The following OSTN variants were observed in gnomAD, a reference collection of about 807,000 sequenced individuals.
OSTN encodes osteocrin.
In OSTN, 9 loss-of-function variants were observed where a neutral mutation model predicts 12.0. The ratio of observed to expected loss-of-function variants is 0.75; its 90% CI spans 0.45 to 1.30. The LOEUF is 1.30. Among genes scored for constraint, OSTN ranks in the 50% most tolerant of loss-of-function variants. The pLI is 0.00. For missense variants in OSTN, 148 were observed against 152.3 expected, an observed-to-expected ratio of 0.97 and a Z score of 0.15; for synonymous variants, 59 against 56.9, an observed-to-expected ratio of 1.04 and a Z score of -0.16.
intron 3 of OSTN, among the ~76,000 whole-genome samples, chr3:191,246,604 C>CAAAAAAA (rs34157872): frequency 8.4e-5 from 9 of 106,758 alleles, no homozygotes; most frequent in Non-Finnish European, 1.5e-4. Flanking sequence ...GACCCTGTAT[C>CAAAAAAA]AAAAAAAAAA....
At chr3:191,229,337 T>C (rs910672990) in intron 3 of OSTN, among the ~76,000 whole-genome samples, 8 of 152,186 alleles carry the variant, frequency 5.3e-5, no homozygotes, top group African/African-American at 1.9e-4. Context: ...GAGTAACTAT[T>C]TGATGATGTT....
At chr3:191,230,635 G>A (rs1302355578) in intron 3 of OSTN, among the ~76,000 whole-genome samples, 6 of 150,956 alleles carry the variant, frequency 4.0e-5, no homozygotes. Flanking sequence ...ACTATCAGGT[G>A]ATAAGAATAA....
chr3:191,224,919 A>T (rs1714872070), intron 3 of OSTN, among the ~76,000 whole-genome samples: 1 of 152,116 alleles, frequency 6.6e-6, no homozygotes, highest in Non-Finnish European at 1.5e-5. Flanking sequence ...CAGCAAAAAA[A>T]TGTAGAAAGA....
intron 4 of OSTN, among the ~76,000 whole-genome samples, chr3:191,254,448 G>A (rs1715628302): frequency 1.3e-5 from 2 of 152,080 alleles, no homozygotes. Context: ...CAGTCTGCCG[G>A]GCTTTATGAA....
chr3:191,219,751 C>T (rs1714715797), intron 3 of OSTN, among the ~76,000 whole-genome samples: 1 of 152,196 alleles, frequency 6.6e-6, no homozygotes, highest in Non-Finnish European at 1.5e-5. Context: ...GACCAAGATT[C>T]CTTTAGCTCA....
chr3:191,242,684 G>A (rs937805917), intron 3 of OSTN, among the ~76,000 whole-genome samples: 11 of 152,112 alleles, frequency 7.2e-5, no homozygotes, highest in Admixed American at 5.9e-4. Context: ...ATGAGCCACT[G>A]TGCCTTGCAA....
At chr3:191,219,933 AC>A (rs765667236) in intron 3 of OSTN, among the ~76,000 whole-genome samples, 18 of 151,958 alleles carry the variant, frequency 1.2e-4, no homozygotes, top group Non-Finnish European at 4.4e-5. Flanking sequence ...CACCATCATC[AC>A]CCCTTTATCA....
At chr3:191,214,454 A>AC (rs1714552465) in intron 2 of OSTN, among the ~76,000 whole-genome samples, 1 of 150,838 alleles carries the variant, frequency 6.6e-6, no homozygotes, top group Admixed American at 6.6e-5. Context: ...AAAAAAAAAA[A>AC]AAAAAAAACA....
At chr3:191,199,801 T>C (rs948911918) in intron 1 of OSTN, among the ~76,000 whole-genome samples, 3 of 152,174 alleles carry the variant, frequency 2.0e-5, no homozygotes, top group African/African-American at 7.2e-5. Context: ...TTTCTCCTTA[T>C]ATGTCAAATA....
chr3:191,236,034 T>A (rs1054818485), intron 3 of OSTN, among the ~76,000 whole-genome samples: 1 of 152,222 alleles, frequency 6.6e-6, no homozygotes, highest in East Asian at 1.9e-4. Flanking sequence ...TGTTTTTCAA[T>A]AACTTGCTCC....
intron 3 of OSTN, among the ~76,000 whole-genome samples, chr3:191,247,979 A>G (rs1360544094): frequency 6.6e-6 from 1 of 152,016 alleles, no homozygotes; most frequent in Non-Finnish European, 1.5e-5. Context: ...GATTACAGGA[A>G]CACGCCACCA....
chr3:191,251,607 G>C (rs369629821), intron 4 of OSTN, among the ~76,000 whole-genome samples: 1 of 151,804 alleles, frequency 6.6e-6, no homozygotes, highest in African/African-American at 2.4e-5. Flanking sequence ...CAACTCTCTC[G>C]TTCTCAAAAT....
intron 1 of OSTN, among the ~76,000 whole-genome samples, chr3:191,206,215 C>T (rs1230792456): frequency 6.6e-6 from 1 of 151,298 alleles, no homozygotes; most frequent in Non-Finnish European, 1.5e-5. Flanking sequence ...CCTAAGTAAA[C>T]ATTTTAAAAT....
intron 4 of OSTN, among the ~76,000 whole-genome samples, chr3:191,260,363 A>G (rs886612550): frequency 6.6e-6 from 1 of 152,110 alleles, no homozygotes; most frequent in Non-Finnish European, 1.5e-5. Context: ...ATAGACAAAA[A>G]CAATGCCAAA....
chr3:191,256,572 G>T (rs891391905), intron 4 of OSTN, among the ~76,000 whole-genome samples: 4 of 149,924 alleles, frequency 2.7e-5, no homozygotes, highest in Non-Finnish European at 4.4e-5. Flanking sequence ...ACAATCATAA[G>T]GTCTAATAAA....
At chr3:191,248,215 CAT>C (rs1306852384) in intron 3 of OSTN, among the ~76,000 whole-genome samples, 1 of 151,970 alleles carries the variant, frequency 6.6e-6, no homozygotes, top group Non-Finnish European at 1.5e-5. Flanking sequence ...AAAAAAATGA[CAT>C]AATTATTTTC....
intron 3 of OSTN, among the ~76,000 whole-genome samples, chr3:191,232,823 C>T (rs1715095223): frequency 6.6e-6 from 1 of 152,074 alleles, no homozygotes; most frequent in Admixed American, 6.5e-5. Flanking sequence ...CCATGTTGGC[C>T]AGCCTGGTCT....
chr3:191,212,636 TA>T lies in OSTN; in HGVS notation c.102+4del. On this transcript the variant is annotated splice_donor_region_variant and intron_variant, in intron 2 of 4. Transcript: ENST00000682035. ...TCAGTAGATGTAACAACAACAGAGG[TA>T]ATGGAAACTAGCTTACAGAAATAAA... 1 of 1,461,918 alleles carries T rather than the reference TA, an allele frequency of 6.8e-7. No individual in the cohort carries two copies. Among genetic ancestry groups the T allele is most frequent in the Non-Finnish European group, 9.3e-7 (1 of 1,077,442 alleles). The allele number at this position is 1,461,918 out of a possible 1,614,324, so 90.6% of individuals were successfully genotyped here. A position where few individuals can be genotyped will look rare whatever the true frequency, so the allele number is the denominator to read the frequency against.
chr3:191,261,865 A>G (rs1241811506), intron 4 of OSTN, among the ~76,000 whole-genome samples: 1 of 152,250 alleles, frequency 6.6e-6, no homozygotes, highest in Non-Finnish European at 1.5e-5. Context: ...TCTAGATGAA[A>G]TTAGCAAGTT....
Sources: allele counts gnomAD v4.1 joint callset (sites outside exome capture counted in the v4.1 genomes callset), GRCh38; gene constraint gnomAD v4.1.1; transcripts MANE v1.5; gene names NCBI Gene and HGNC (gene_info 2026-07-23, HGNC 2026-07-21).